FAXC: variants seen among roughly 807,000 people sequenced by gnomAD.
The protein encoded by FAXC is failed axon connections homolog.
A neutral mutation model predicts 41.9 loss-of-function variants in FAXC; 10 were observed. The ratio of observed to expected loss-of-function variants is 0.24; its 90% CI spans 0.15 to 0.41. FAXC has a LOEUF of 0.41. FAXC is among the 10% of genes least tolerant of loss of function. FAXC has a pLI of 1.00. For missense variants in FAXC, 399 were observed against 510.9 expected (o/e 0.78, Z 2.11); for synonymous variants, 183 against 183.8 (o/e 1.00, Z 0.03).
Position 99,272,927 on chromosome 6 carries a change from C to G in FAXC, c.*8237G>C, listed in dbSNP as rs1222442581. 4 of 152,142 alleles carry G rather than the reference C, an allele frequency of 2.6e-5. No homozygotes were observed. In the South Asian group the frequency reaches 8.3e-4, roughly 32 times the overall value. The allele number at this position is 152,142 out of a possible 1,614,324, so 9.4% of individuals were successfully genotyped here. On this transcript the variant is annotated 3_prime_UTR_variant, in exon 6 of 6. Coordinates refer to ENST00000389677, the MANE Select transcript of FAXC (RefSeq NM_032511.4). ...ACATTCACAGAAAACTATTTCATAT[C>G]CATTAGTTATCATTTACACATCAAA...
At chr6:99,343,128 T>C (rs1383446431) in intron 1 of FAXC, 95 bp from the exon 2 acceptor site, 19 of 1,106,762 alleles carry the variant, frequency 1.7e-5, no homozygotes, top group Non-Finnish European at 2.4e-5. Context: ...TTGTAGCTCC[T>C]CAATGAACAA....
In FAXC at chr6:99,273,510, C is replaced by T. The variant is rs145922983; in HGVS notation, c.*7654G>A. The T allele has an allele frequency of 6.7e-6, 1 of 148,688 alleles. No homozygotes were observed. Among genetic ancestry groups the T allele is most frequent in the Non-Finnish European group, 1.5e-5 (1 of 67,440 alleles). 9.2% of individuals were successfully genotyped at this position (148,688 alleles called of 1,614,324 possible). ...TGCTTACCTCAGTGTGTTGTTAAAT[C>T]TTTCTGGAATTTTCAAGGCATTCTA... On this transcript the variant is annotated 3_prime_UTR_variant, in exon 6 of 6. Transcript: ENST00000389677.
intron 4 of FAXC, among the ~76,000 whole-genome samples, chr6:99,319,582 T>C: frequency 6.6e-6 from 1 of 152,180 alleles, no homozygotes; most frequent in East Asian, 1.9e-4. Flanking sequence ...ACCATTACTG[T>C]TCCTACTTTA....
At chr6:99,328,934 C>A (rs1327309957) in intron 3 of FAXC, among the ~76,000 whole-genome samples, 1 of 152,186 alleles carries the variant, frequency 6.6e-6, no homozygotes, top group East Asian at 1.9e-4. Context: ...CCAGCTACTG[C>A]TAAGTAGTGT....
intron 4 of FAXC, among the ~76,000 whole-genome samples, chr6:99,297,175 T>C (rs1355215889): frequency 1.3e-5 from 2 of 152,116 alleles, no homozygotes. Flanking sequence ...CCTTCCCACA[T>C]TGTCTTCCAC....
intron 5 of FAXC, chr6:99,284,170 T>C (rs1004589411): frequency 2.0e-5 from 3 of 152,246 alleles, no homozygotes; most frequent in African/African-American, 7.2e-5. Context: ...TCTCTACTGA[T>C]GAGCTGACAG....
intron 4 of FAXC, among the ~76,000 whole-genome samples, chr6:99,319,547 C>A (rs1253246843): frequency 1.3e-5 from 2 of 152,146 alleles, no homozygotes; most frequent in African/African-American, 4.8e-5. Context: ...TTTCAGAGCA[C>A]TTTGCATGCA....
chr6:99,327,027 C>T (rs750329455), intron 3 of FAXC, among the ~76,000 whole-genome samples: 3 of 152,168 alleles, frequency 2.0e-5, no homozygotes, highest in Admixed American at 6.5e-5. Flanking sequence ...ACACAGAAGA[C>T]GAAACACTGG....
chr6:99,319,047 T>A (rs1582661575), intron 4 of FAXC, among the ~76,000 whole-genome samples: 2 of 152,198 alleles, frequency 1.3e-5, no homozygotes, highest in Non-Finnish European at 1.5e-5. Flanking sequence ...TTACACATAG[T>A]TATCTGCTAT....
At chr6:99,299,751 T>C (rs1771632413) in intron 4 of FAXC, among the ~76,000 whole-genome samples, 1 of 152,116 alleles carries the variant, frequency 6.6e-6, no homozygotes. Context: ...AAAAATAAAA[T>C]CTACTCCCTA....
rs1397675586 is a variant in FAXC, at chr6:99,333,534, C to T, written c.416G>A (p.Gly139Glu). 3.1e-6 allele frequency: 5 copies of T among 1,608,876 alleles called. No individual in the cohort carries two copies. Among genetic ancestry groups the T allele is most frequent in the Non-Finnish European group, 3.4e-6 (4 of 1,178,456 alleles). The change falls in exon 3 of 6, where the codon GGA (glycine) becomes GAA (glutamate). Residue 139 changes from glycine to glutamate, a missense_variant. This residue lies in a region of FAXC where 239 missense variants were observed against 352.7 expected (regional missense o/e 0.68). Coordinates refer to ENST00000389677, the MANE Select transcript of FAXC (RefSeq NM_032511.4). The part of the protein sequence containing the change: ...ADLPYQNYFG[G>E]KLSAQGKMPW... Reference sequence around the variant, plus strand: ...CATTTTCCCTTGAGCAGAGAGTTTTCCACCAAAATAGTTCTAAGCAGAGTA... The same window carrying T: ...CATTTTCCCTTGAGCAGAGAGTTTTTCACCAAAATAGTTCTAAGCAGAGTA...
rs1299643110 is a variant in FAXC, at chr6:99,349,195, C to T, written c.178G>A (p.Asp60Asn). 6.8e-6 allele frequency: 11 copies of T among 1,613,792 alleles called. No homozygotes were observed. The highest frequency in any genetic ancestry group is 9.3e-6 in the Non-Finnish European group (11 of 1,180,036). Reference protein sequence around the residue: ...YGGIMAGLGSDPWWKKTLYLT... With the variant: ...YGGIMAGLGSNPWWKKTLYLT... The stretch of plus-strand genomic sequence containing the variant: ...TAAAGGGTTTTCTTCCACCAGGGAT[C>T]GGAGCCCAGCCCTGCCATGATCCCA... Residue 60 changes from aspartate (D) to asparagine (N), a missense_variant, in exon 1 of 6, where the codon GAT becomes AAT. This residue lies in a region of FAXC where 239 missense variants were observed against 352.7 expected (regional missense o/e 0.68). Coordinates refer to ENST00000389677, the MANE Select transcript of FAXC (RefSeq NM_032511.4).
chr6:99,349,785 C>A (rs914608136), upstream of FAXC: 8 of 152,148 alleles, frequency 5.3e-5, no homozygotes, highest in East Asian at 7.7e-4. Context: ...CCGCCGGGGC[C>A]GGATCTGCAG....
At chr6:99,340,840 C>T (rs796095520) in intron 2 of FAXC, among the ~76,000 whole-genome samples, 33 of 150,996 alleles carry the variant, frequency 2.2e-4, no homozygotes, top group African/African-American at 7.1e-4. Context: ...GGCTAATTTT[C>T]GTATTTTTAA....
intron 2 of FAXC, among the ~76,000 whole-genome samples, chr6:99,342,346 CTT>C (rs113675285): frequency 2.2e-4 from 31 of 143,420 alleles, no homozygotes; most frequent in Admixed American, 3.5e-4. Flanking sequence ...CCAAAGCATA[CTT>C]TTTTTTTTTT....
rs17532948 is a variant in FAXC at position 99,277,156 on chromosome 6, C to G, written c.*4008G>C. ...TGGCAAATGGATCAACCTGGCTGCA[C>G]TGGATGGCTCCCATGGAGGAGCTAT... is the stretch of plus-strand genomic sequence containing the variant. On this transcript the variant is annotated 3_prime_UTR_variant, in exon 6 of 6. Coordinates refer to ENST00000389677, the MANE Select transcript of FAXC (RefSeq NM_032511.4). 12,205 of 152,604 alleles carry G rather than the reference C, an allele frequency of 0.08. 529 individuals carry two copies. Among genetic ancestry groups the G allele is most frequent in the South Asian group, 0.12 (602 of 4,824 alleles). The allele number at this position is 152,604 out of a possible 1,614,324, so 9.5% of individuals were successfully genotyped here. A position where few individuals can be genotyped will look rare whatever the true frequency, so the allele number is the denominator to read the frequency against.
rs775759075 is a variant in FAXC, at chr6:99,323,465, G to A, written c.802C>T (p.Arg268Trp). The change falls in exon 4 of 6, where the codon CGG becomes TGG. Residue 268 changes from arginine to tryptophan, a missense_variant. Coordinates refer to ENST00000389677, the MANE Select transcript of FAXC (RefSeq NM_032511.4). ...TTACCCAAAAGCCCTGCTAAAGACCGCATGTCCTTCTCCATCAGCATGTAA... is the reference window on the plus strand; with the variant it reads ...TTACCCAAAAGCCCTGCTAAAGACCACATGTCCTTCTCCATCAGCATGTAA... The part of the protein sequence containing the change: ...EIYMLMEKDM[R>W]SLAGLLGDKK... 9 of 1,614,044 alleles carry A rather than the reference G, an allele frequency of 5.6e-6. No homozygotes were observed. Among genetic ancestry groups the A allele is most frequent in the South Asian group, 1.1e-5 (1 of 91,066 alleles).
intron 4 of FAXC, among the ~76,000 whole-genome samples, chr6:99,305,289 G>A (rs1023348481): frequency 1.4e-4 from 22 of 152,178 alleles, no homozygotes; most frequent in African/African-American, 5.3e-4. Context: ...ATAGACATGA[G>A]GTGTTTCTAC....
intron 4 of FAXC, chr6:99,310,007 T>G (rs1351693470): frequency 1.9e-6 from 1 of 529,052 alleles, no homozygotes; most frequent in Non-Finnish European, 2.4e-6. Flanking sequence ...TCCCTAGCCC[T>G]TCTGAACCCC....
Sources: allele counts gnomAD v4.1 joint callset (sites outside exome capture counted in the v4.1 genomes callset), GRCh38; gene constraint gnomAD v4.1.1; regional missense constraint gnomAD v4.1.1; transcripts MANE v1.5; gene names NCBI Gene and HGNC (gene_info 2026-07-23, HGNC 2026-07-21).